CPLANE1: variants seen among roughly 807,000 people sequenced by gnomAD.
CPLANE1 encodes ciliogenesis and planar polarity effector complex subunit 1, also known as ciliogenesis and planar polarity effector 1.
In CPLANE1, 263 loss-of-function variants were observed where a neutral mutation model predicts 362.5. The observed-to-expected ratio is 0.73, with a 90% CI of 0.66 to 0.80. The LOEUF (loss-of-function observed/expected upper bound fraction) is 0.80. Ranked by LOEUF, CPLANE1 falls within the 30% of genes least tolerant of loss-of-function variation. The probability of loss-of-function intolerance (pLI) is 0.00; values close to 1 mark genes in which losing one functional copy is unlikely to be tolerated. For synonymous variants in CPLANE1, 1,212 were observed against 1,302.6 expected (o/e 0.93, Z 1.50); for missense variants, 3,461 against 3,793.4 (o/e 0.91, Z 2.30).
chr5:37,174,258 T>C (rs1165511964), intron 31 of CPLANE1, among the ~76,000 whole-genome samples: 1 of 152,210 alleles, frequency 6.6e-6, no homozygotes, highest in Non-Finnish European at 1.5e-5. Flanking sequence ...ACATCTGAAT[T>C]TGAGACCTGT....
chr5:37,180,766 T>C, intron 27 of CPLANE1, 91 bp downstream of exon 27: 1 of 1,264,046 alleles, frequency 7.9e-7, no homozygotes, highest in African/African-American at 1.5e-5. Context: ...CTCATTCCTT[T>C]AACTTTCAAG....
At chr5:37,244,934 G>A (rs779226443) in intron 4 of CPLANE1, among the ~76,000 whole-genome samples, 10 of 151,862 alleles carry the variant, frequency 6.6e-5, no homozygotes, top group Middle Eastern at 3.2e-3. Context: ...GGTGGATCAC[G>A]AGGTCAGGAG....
At position 37,212,319 on chromosome 5, in the gene CPLANE1, T is replaced by C. The variant is rs183901992; in HGVS notation, c.2920+1240A>G. The C allele has an allele frequency of 1.8e-5, 16 of 909,524 alleles. No individual in the cohort carries two copies. In the East Asian group the frequency reaches 3.4e-4, roughly 19 times the overall value. The allele number at this position is 909,524 out of a possible 1,614,324, so 56.3% of individuals were successfully genotyped here. On this transcript the variant is annotated intron_variant, in intron 16 of 52. Coordinates refer to ENST00000651892, the MANE Select transcript of CPLANE1 (RefSeq NM_001384732.1). ...AGGCTCCCTAGTGGACACACTGCAA[T>C]GTAGTGACAAAGTCGAAAGTTTAAC...
chr5:37,164,811 G>GCTGGGCTTAA (rs1777811137), intron 36 of CPLANE1, among the ~76,000 whole-genome samples: 1 of 152,180 alleles, frequency 6.6e-6, no homozygotes, highest in Non-Finnish European at 1.5e-5. Flanking sequence ...TATTTTAAAA[G>GCTGGGCTTAA]ACCTGACTTA....
intron 18 of CPLANE1, among the ~76,000 whole-genome samples, chr5:37,204,572 C>T (rs916704145): frequency 2.0e-5 from 3 of 151,888 alleles, no homozygotes; most frequent in Non-Finnish European, 4.4e-5. Flanking sequence ...CCTAAGTACC[C>T]TTCCAGGCTT....
At chr5:37,151,079 A>G (rs1385917120) in intron 42 of CPLANE1, among the ~76,000 whole-genome samples, 1 of 152,122 alleles carries the variant, frequency 6.6e-6, no homozygotes, top group Non-Finnish European at 1.5e-5. Context: ...GAAAATCCCA[A>G]TCGCTTGACA....
chr5:37,115,597 C>CTTTTTT, intron 50 of CPLANE1, among the ~76,000 whole-genome samples: 1 of 124,644 alleles, frequency 8.0e-6, no homozygotes. Flanking sequence ...ACTTTTATTT[C>CTTTTTT]TTTTTTTTTT....
At chr5:37,126,942 A>C (rs370196630) in intron 46 of CPLANE1, among the ~76,000 whole-genome samples, 2 of 152,210 alleles carry the variant, frequency 1.3e-5, no homozygotes, top group Non-Finnish European at 2.9e-5. Context: ...CAAACAATAT[A>C]GTTTATTCTG....
At chr5:37,124,068 C>T (rs964529839) in intron 47 of CPLANE1, among the ~76,000 whole-genome samples, 4 of 151,920 alleles carry the variant, frequency 2.6e-5, no homozygotes, top group Non-Finnish European at 5.9e-5. Flanking sequence ...GAAAACGTTA[C>T]GTTAACACCA....
chr5:37,227,651 A>T lies in CPLANE1; in HGVS notation c.1288T>A (p.Ser430Thr), dbSNP rs539526918. 2 of 1,551,490 alleles carry T rather than the reference A, an allele frequency of 1.3e-6. No individual in the cohort carries two copies. The highest frequency in any genetic ancestry group is 8.7e-7 in the Non-Finnish European group (1 of 1,146,836). ...AGTGATCTCATGTGTACTGATGGAG[A>T]TAGGCTATCAAGAAATCGAAGGGTT... Reference protein sequence around the residue: ...VTTLRFLDSLSPSVHMRSLLL... With the variant: ...VTTLRFLDSLTPSVHMRSLLL... The change falls in exon 10 of 53, where the codon TCT (serine) becomes ACT (threonine). Residue 430 changes from serine to threonine, a missense_variant. Coordinates refer to ENST00000651892, the MANE Select transcript of CPLANE1 (RefSeq NM_001384732.1).
chr5:37,148,711 T>C (rs569560750), intron 42 of CPLANE1, among the ~76,000 whole-genome samples: 3 of 152,304 alleles, frequency 2.0e-5, no homozygotes, highest in South Asian at 4.1e-4. Flanking sequence ...GTGAAGATGT[T>C]TGTATTTATG....
chr5:37,181,758 AC>A (rs1341069199), intron 26 of CPLANE1, among the ~76,000 whole-genome samples: 2 of 152,060 alleles, frequency 1.3e-5, no homozygotes, highest in Non-Finnish European at 2.9e-5. Flanking sequence ...AAGGCTACAG[AC>A]AGCTGTGATC....
Position 37,153,994 on chromosome 5 carries a change from C to A in CPLANE1, c.8120-1G>T. 6.3e-7 allele frequency: 1 copy of A among 1,594,800 alleles called. No individual in the cohort carries two copies. Among genetic ancestry groups the A allele is most frequent in the East Asian group, 2.2e-5 (1 of 44,516 alleles). Reference sequence around the variant, plus strand: ...AATCGGAACTCTGGTTTTGGCAGACCTAAATATTAATAAGAATAAAAGCAG... The same window carrying A: ...AATCGGAACTCTGGTTTTGGCAGACATAAATATTAATAAGAATAAAAGCAG... On this transcript the variant is annotated splice_acceptor_variant, in intron 41 of 52. Coordinates refer to ENST00000651892, the MANE Select transcript of CPLANE1 (RefSeq NM_001384732.1). LOFTEE classifies it high-confidence loss of function.
intron 32 of CPLANE1, 134 bp from the exon 33 acceptor site, chr5:37,170,465 C>A: frequency 5.2e-6 from 5 of 955,376 alleles, no homozygotes; most frequent in South Asian, 2.0e-5. Flanking sequence ...GAATGCTGAG[C>A]AGGAGGCAGT....
chr5:37,090,515 T>C, the CPLANE1 span, among the ~76,000 whole-genome samples: 1 of 152,196 alleles, frequency 6.6e-6, no homozygotes, highest in Non-Finnish European at 1.5e-5. Context: ...TTTCTCTGAT[T>C]ACACAGGACA....
At chr5:37,159,091 ATTCTT>A (rs1776079838) in intron 38 of CPLANE1, among the ~76,000 whole-genome samples, 1 of 89,602 alleles carries the variant, frequency 1.1e-5, no homozygotes. Context: ...GCTAATTCAC[ATTCTT>A]TTTTTTTTTT....
chr5:37,222,685 T>C (rs959113604), intron 14 of CPLANE1, among the ~76,000 whole-genome samples: 2 of 152,228 alleles, frequency 1.3e-5, no homozygotes, highest in East Asian at 3.8e-4. Flanking sequence ...CAGTGAATGC[T>C]GCTCTTTTCA....
intron 32 of CPLANE1, among the ~76,000 whole-genome samples, chr5:37,172,100 CCTCTTA>C (rs1779968059): frequency 1.3e-5 from 2 of 152,042 alleles, no homozygotes; most frequent in African/African-American, 4.8e-5. Flanking sequence ...GTATGAGCCA[CCTCTTA>C]TAAAATTTAA....
At chr5:37,244,794 T>C (rs1179658673) in intron 4 of CPLANE1, among the ~76,000 whole-genome samples, 187 bp from the exon 5 acceptor site, 1 of 151,844 alleles carries the variant, frequency 6.6e-6, no homozygotes, top group Non-Finnish European at 1.5e-5. Flanking sequence ...CCCAGCACTT[T>C]GGGAGGCTTA....
Sources: gnomAD v4.1 joint callset for allele counts (sites outside exome capture counted in the v4.1 genomes callset) on GRCh38, gnomAD v4.1.1 for gene constraint, MANE v1.5 for transcripts, NCBI Gene and HGNC (gene_info 2026-07-23, HGNC 2026-07-21) for gene names.